The following AP3D1 variants were observed in gnomAD, a reference collection of about 807,000 sequenced individuals.
AP3D1 encodes adaptor related protein complex 3 subunit delta 1, also known as AP-3 complex subunit delta-1.
A neutral mutation model predicts 147.6 loss-of-function variants in AP3D1; 51 were observed. The ratio of observed to expected loss-of-function variants is 0.35; its 90% CI spans 0.28 to 0.44. AP3D1 has a LOEUF of 0.44. Ranked by LOEUF, AP3D1 falls within the 20% of genes least tolerant of loss-of-function variation. The pLI is 1.00. For synonymous variants in AP3D1, 760 were observed against 663.0 expected (o/e 1.15, Z -2.25); for missense variants, 1,421 against 1,624.2 (o/e 0.87, Z 2.15).
intron 26 of AP3D1, 182 bp from the exon 27 acceptor site, chr19:2,111,078 G>C: frequency 5.5e-6 from 5 of 915,180 alleles, no homozygotes; most frequent in Non-Finnish European, 8.1e-6. Flanking sequence ...GTGCATGGCG[G>C]GGACCCTCCT....
intron 1 of AP3D1, among the ~76,000 whole-genome samples, chr19:2,161,137 C>A (rs1408795186): frequency 6.6e-6 from 1 of 150,972 alleles, no homozygotes; most frequent in East Asian, 1.9e-4. Context: ...CTGTCTGGCC[C>A]ATCAGGAGCT....
chr19:2,133,128 G>A (rs1055177089), intron 4 of AP3D1, among the ~76,000 whole-genome samples: 1 of 152,192 alleles, frequency 6.6e-6, no homozygotes. Context: ...GGCGGTGCTG[G>A]GCCTGGCACA....
intron 1 of AP3D1, among the ~76,000 whole-genome samples, chr19:2,146,258 C>T (rs754396262): frequency 6.6e-6 from 1 of 152,164 alleles, no homozygotes; most frequent in South Asian, 2.1e-4. Flanking sequence ...GATAAAACTA[C>T]AAGCAAGTCA....
intron 1 of AP3D1, among the ~76,000 whole-genome samples, chr19:2,158,208 A>T (rs1460930583): frequency 6.6e-6 from 1 of 152,000 alleles, no homozygotes; most frequent in Non-Finnish European, 1.5e-5. Context: ...GGCACCCGCC[A>T]CCACGCCCGG....
Position 2,118,585 on chromosome 19 carries a change from G to C in AP3D1, c.1713+16C>G. 1 of 1,598,216 alleles carries C rather than the reference G, an allele frequency of 6.3e-7. No individual in the cohort carries two copies. Among genetic ancestry groups the C allele is most frequent in the Non-Finnish European group, 8.5e-7 (1 of 1,173,884 alleles). On this transcript the variant is annotated intron_variant, in intron 15 of 31. Coordinates refer to ENST00000643116, the MANE Select transcript of AP3D1 (RefSeq NM_001261826.3). ...GCTCCCTGAGGCTCGGCCCAACACG[G>C]AGTGTTGGATCTTACCCGCTCCTGC...
At chr19:2,123,725 G>A in intron 10 of AP3D1, 105 bp downstream of exon 10, 3 of 1,373,592 alleles carry the variant, frequency 2.2e-6, no homozygotes, top group Non-Finnish European at 3.0e-6. Context: ...AAGATGGCGT[G>A]GGGGGACCAG....
intron 7 of AP3D1, 72 bp from the exon 8 acceptor site, chr19:2,129,235 G>C (rs562583363): frequency 6.2e-7 from 1 of 1,611,234 alleles, no homozygotes; most frequent in African/African-American, 1.3e-5. Flanking sequence ...GGGGGGCCTC[G>C]GTCACCCGCA....
Position 2,151,512 on chromosome 19 carries a change from G to A in AP3D1, c.-178C>T, listed in dbSNP as rs1449506229. ...CGCGGCAGAGGCGGCGACCCGCTCGGCAGGTGCCGCGATCCCGCTCCGGGC... is the reference window on the plus strand; with the variant it reads ...CGCGGCAGAGGCGGCGACCCGCTCGACAGGTGCCGCGATCCCGCTCCGGGC... On this transcript the variant is annotated 5_prime_UTR_variant, in exon 1 of 32. Coordinates refer to ENST00000643116, the MANE Select transcript of AP3D1 (RefSeq NM_001261826.3). 2 of 182,210 alleles carry A rather than the reference G, an allele frequency of 1.1e-5. No individual in the cohort carries two copies. The highest frequency in any genetic ancestry group is 1.8e-4 in the East Asian group (1 of 5,502). The allele number at this position is 182,210 out of a possible 1,614,324, so 11.3% of individuals were successfully genotyped here. A position where few individuals can be genotyped will look rare whatever the true frequency, so the allele number is the denominator to read the frequency against.
intron 1 of AP3D1, among the ~76,000 whole-genome samples, chr19:2,161,519 T>C (rs1012670288): frequency 2.6e-5 from 4 of 152,186 alleles, no homozygotes; most frequent in Admixed American, 6.6e-5. Context: ...TCTTTTTTTT[T>C]CCACAAGGAA....
rs372523840 is a variant in AP3D1, at chr19:2,116,198, G to A, written c.2073+9C>T. Reference sequence around the variant, plus strand: ...TGCTGAGGGACAGGCACCCGGGGACGGGCCTCACCTTCTGTGGCGATGGCG... The same window carrying A: ...TGCTGAGGGACAGGCACCCGGGGACAGGCCTCACCTTCTGTGGCGATGGCG... On this transcript the variant is annotated intron_variant, in intron 18 of 31. Coordinates refer to ENST00000643116, the MANE Select transcript of AP3D1 (RefSeq NM_001261826.3). 9.2e-5 allele frequency: 149 copies of A among 1,613,884 alleles called. 3 individuals are homozygous for A. In the South Asian group the frequency reaches 9.8e-4, roughly 11 times the overall value.
At chr19:2,141,563 T>C (rs1197748736) in intron 1 of AP3D1, among the ~76,000 whole-genome samples, 1 of 150,442 alleles carries the variant, frequency 6.6e-6, no homozygotes, top group Non-Finnish European at 1.5e-5. Flanking sequence ...TGCCTCAGCC[T>C]CCCGAGTGGC....
Position 2,108,767 on chromosome 19 carries a change from C to T in AP3D1, c.3473-1G>A. 1 of 1,565,332 alleles carries T rather than the reference C, an allele frequency of 6.4e-7. No homozygotes were observed. The highest frequency in any genetic ancestry group is 8.7e-7 in the Non-Finnish European group (1 of 1,155,094). ...GCGCAGGAGTCCACTCGCTCCACAA[C>T]TGCAACAGAGCGGGCAGTGTTAGGC... On this transcript the variant is annotated splice_acceptor_variant, in intron 30 of 31. Transcript: ENST00000643116. LOFTEE classifies it high-confidence loss of function.
chr19:2,112,594 T>C (rs1213401003), intron 24 of AP3D1: 1 of 377,858 alleles, frequency 2.6e-6, no homozygotes, highest in Non-Finnish European at 4.8e-6. Flanking sequence ...TGATGATGGT[T>C]GCACAACTCT....
In AP3D1 at chr19:2,114,824, G is replaced by T; in HGVS notation, c.2350-3C>A. 1.2e-6 allele frequency: 2 copies of T among 1,613,898 alleles called. No individual in the cohort carries two copies. Among genetic ancestry groups the T allele is most frequent in the South Asian group, 2.2e-5 (2 of 91,046 alleles). On this transcript the variant is annotated splice_region_variant and splice_polypyrimidine_tract_variant and intron_variant, in intron 20 of 31. Coordinates refer to ENST00000643116, the MANE Select transcript of AP3D1 (RefSeq NM_001261826.3). ...TCCTCGTCGCTGGGCAGAGCATTCT[G>T]ACAGGAAGAGAGGAACCCCATCACT...
intron 25 of AP3D1, 41 bp downstream of exon 25, chr19:2,111,638 G>A (rs1356712629): frequency 1.9e-6 from 3 of 1,548,454 alleles, no homozygotes; most frequent in Non-Finnish European, 2.6e-6. Context: ...CAGCCCGCCA[G>A]GAACCCCGGC....
chr19:2,121,653 C>A, intron 12 of AP3D1, 81 bp downstream of exon 12: 1 of 1,497,658 alleles, frequency 6.7e-7, no homozygotes, highest in Non-Finnish European at 8.9e-7. Context: ...TCCATGCATT[C>A]CACGTGGCTC....
chr19:2,109,755 T>A, intron 29 of AP3D1, 118 bp downstream of exon 29: 2 of 1,006,422 alleles, frequency 2.0e-6, no homozygotes, highest in Non-Finnish European at 1.5e-6. Context: ...AGCCAGCGCC[T>A]CCAAATCCGT....
chr19:2,149,959 C>A (rs2019461507), intron 1 of AP3D1, among the ~76,000 whole-genome samples: 1 of 152,168 alleles, frequency 6.6e-6, no homozygotes, highest in African/African-American at 2.4e-5. Flanking sequence ...GTAACCAAAG[C>A]AGTTAGGGAG....
intron 5 of AP3D1, among the ~76,000 whole-genome samples, chr19:2,132,015 A>G (rs991581051): frequency 1.3e-5 from 2 of 152,246 alleles, no homozygotes; most frequent in African/African-American, 2.4e-5. Context: ...AGTCAGGCAC[A>G]AAACAGATGT....
Sources: allele counts gnomAD v4.1 joint callset (sites outside exome capture counted in the v4.1 genomes callset), GRCh38; gene constraint gnomAD v4.1.1; transcripts MANE v1.5; gene names NCBI Gene and HGNC (gene_info 2026-07-23, HGNC 2026-07-21).